Variants in STAC observed in about 807,000 individuals in gnomAD.
The protein encoded by STAC is SH3 and cysteine-rich domain-containing protein.
Under a neutral mutation model 48.8 loss-of-function variants are expected in STAC, and 43 were observed. That is an observed-to-expected ratio of 0.88 (90% CI 0.69 to 1.14). STAC has a LOEUF of 1.14. STAC is among the 50% of genes most tolerant of loss of function. The pLI, the probability that STAC is intolerant of heterozygous loss-of-function variation, is 0.00. For missense variants in STAC, 497 were observed against 504.0 expected (o/e 0.99, Z 0.13); for synonymous variants, 193 against 179.5 (o/e 1.07, Z -0.60).
At chr3:36,398,027 G>A (rs1699889196) in intron 1 of STAC, among the ~76,000 whole-genome samples, 1 of 152,060 alleles carries the variant, frequency 6.6e-6, no homozygotes, top group Non-Finnish European at 1.5e-5. Context: ...CTAGCTCCAT[G>A]GCAGGATCTT....
chr3:36,518,415 G>A (rs535566019), intron 8 of STAC, among the ~76,000 whole-genome samples: 1 of 151,804 alleles, frequency 6.6e-6, no homozygotes, highest in Non-Finnish European at 1.5e-5. Flanking sequence ...TTTCATAAGG[G>A]TAGAAAAAAG....
intron 1 of STAC, among the ~76,000 whole-genome samples, chr3:36,392,691 T>C (rs577217568): frequency 7.2e-5 from 11 of 152,192 alleles, no homozygotes; most frequent in Non-Finnish European, 7.4e-5. Flanking sequence ...AGGTGATGGT[T>C]GTTTTTTCCT....
chr3:36,472,041 G>A (rs921867100), intron 2 of STAC, among the ~76,000 whole-genome samples: 5 of 152,274 alleles, frequency 3.3e-5, no homozygotes, highest in East Asian at 1.9e-4. Context: ...TAAGGGCCCC[G>A]CCCCTGCAGC....
At chr3:36,543,840 C>T (rs1019336356) in intron 10 of STAC, among the ~76,000 whole-genome samples, 7 of 152,170 alleles carry the variant, frequency 4.6e-5, no homozygotes, top group Non-Finnish European at 1.0e-4. Context: ...AGTATTCTCA[C>T]TCTTCCACAT....
chr3:36,456,148 A>T (rs1696849887), intron 2 of STAC, among the ~76,000 whole-genome samples: 1 of 152,148 alleles, frequency 6.6e-6, no homozygotes, highest in Non-Finnish European at 1.5e-5. Context: ...TAAAGGGTTC[A>T]TATCCACTTC....
chr3:36,383,066 G>C (rs961000435), intron 1 of STAC, among the ~76,000 whole-genome samples: 2 of 152,174 alleles, frequency 1.3e-5, no homozygotes, highest in Admixed American at 6.5e-5. Context: ...TATTTGAACA[G>C]TCCAGACATA....
intron 2 of STAC, among the ~76,000 whole-genome samples, chr3:36,473,551 G>C (rs989854772): frequency 6.6e-6 from 1 of 152,150 alleles, no homozygotes; most frequent in Non-Finnish European, 1.5e-5. Flanking sequence ...CAGATGCACA[G>C]ACTGAGGCTC....
At chr3:36,422,959 G>A (rs1700481761) in intron 1 of STAC, among the ~76,000 whole-genome samples, 1 of 152,026 alleles carries the variant, frequency 6.6e-6, no homozygotes, top group African/African-American at 2.4e-5. Flanking sequence ...ATGTTCACTG[G>A]CTCAAAAAAT....
chr3:36,452,839 A>C (rs1696721877), intron 2 of STAC, among the ~76,000 whole-genome samples: 1 of 152,206 alleles, frequency 6.6e-6, no homozygotes, highest in South Asian at 2.1e-4. Flanking sequence ...AGAAAGGAGG[A>C]GCCCCTGCCA....
At chr3:36,396,864 A>T (rs551129416) in intron 1 of STAC, among the ~76,000 whole-genome samples, 59 of 152,230 alleles carry the variant, frequency 3.9e-4, no homozygotes, top group Non-Finnish European at 7.2e-4. Context: ...ATGACTCTAT[A>T]CTGCTGTTCT....
rs1559477289 is a variant in STAC, at chr3:36,398,539, GAGGT to G, written c.111+17787_111+17790del. 8.9e-4 allele frequency among the ~76,000 whole-genome samples: 40 copies of G among 45,172 alleles called. 3 individuals carry two copies. The highest frequency in any genetic ancestry group is 0.016 in the Middle Eastern group (1 of 62). 29.6% of individuals were successfully genotyped at this position (45,172 alleles called of 152,430 possible). A position where few individuals can be genotyped will look rare whatever the true frequency, so the allele number is the denominator to read the frequency against. ...AGAAAGAGAGAGAAAGAAAGAAAGAGAGGTAAAGAGAAAGAGAGAGGGAAGGAAG... is the reference window on the plus strand; with the variant it reads ...AGAAAGAGAGAGAAAGAAAGAAAGAGAAAGAGAAAGAGAGAGGGAAGGAAG... On this transcript the variant is annotated intron_variant, in intron 1 of 10. Transcript: ENST00000273183.
chr3:36,456,544 G>A (rs543260487), intron 2 of STAC, among the ~76,000 whole-genome samples: 11 of 152,044 alleles, frequency 7.2e-5, no homozygotes, highest in Non-Finnish European at 1.0e-4. Flanking sequence ...GGGACCATGC[G>A]AAGCTGCTGT....
intron 6 of STAC, among the ~76,000 whole-genome samples, chr3:36,496,577 T>C (rs554967531): frequency 6.6e-6 from 1 of 152,356 alleles, no homozygotes; most frequent in South Asian, 2.1e-4. Context: ...CTAATTTCTT[T>C]ACTGCTAAGA....
chr3:36,470,012 T>C lies in STAC; in HGVS notation c.389-12980T>C, dbSNP rs375261777. Among the ~76,000 whole-genome samples the C allele has an allele frequency of 1.8e-4, 27 of 152,358 alleles. 1 individual carries two copies. In the East Asian group the frequency reaches 4.6e-3, roughly 26 times the overall value. On this transcript the variant is annotated intron_variant, in intron 2 of 10. Coordinates refer to ENST00000273183, the MANE Select transcript of STAC (RefSeq NM_003149.3). Reference sequence around the variant, plus strand: ...TTATTTCTTTAAGTTGGAGTGAACCTTTCTCTGGTGCCTCCTTGATTAGCT... The same window carrying C: ...TTATTTCTTTAAGTTGGAGTGAACCCTTCTCTGGTGCCTCCTTGATTAGCT...
intron 4 of STAC, 25 bp downstream of exon 4, chr3:36,485,083 A>C (rs1041484001): frequency 6.3e-7 from 1 of 1,580,786 alleles, no homozygotes; most frequent in Non-Finnish European, 8.6e-7. Context: ...TGATGGGTTG[A>C]GTTGAGTTTG....
chr3:36,389,811 T>C (rs1423024147), intron 1 of STAC, among the ~76,000 whole-genome samples: 1 of 152,168 alleles, frequency 6.6e-6, no homozygotes, highest in Non-Finnish European at 1.5e-5. Flanking sequence ...GTGCTTTCCA[T>C]AAAGTGAGCA....
Position 36,455,643 on chromosome 3 carries a change from A to G in STAC, c.388+12003A>G, listed in dbSNP as rs200397291. ...GAATGCTCCACTGACCTACTTTAGA[A>G]TGGTCCTCTTTGTTGTGCAGCCACA... On this transcript the variant is annotated intron_variant, in intron 2 of 10. Transcript: ENST00000273183. Among the ~76,000 whole-genome samples, 11 of 152,308 alleles carry G rather than the reference A, an allele frequency of 7.2e-5. No individual in the cohort carries two copies. The East Asian group carries it at 1.7e-3, about 24-fold the overall frequency.
At chr3:36,533,050 G>C (rs556252335) in intron 10 of STAC, among the ~76,000 whole-genome samples, 1 of 152,146 alleles carries the variant, frequency 6.6e-6, no homozygotes, top group Non-Finnish European at 1.5e-5. Context: ...CATAAACACA[G>C]GTCTGCAAAC....
At chr3:36,457,256 G>C (rs886652816) in intron 2 of STAC, among the ~76,000 whole-genome samples, 4 of 152,186 alleles carry the variant, frequency 2.6e-5, no homozygotes, top group African/African-American at 4.8e-5. Context: ...TCATGCCAAG[G>C]AGTCAGAGGG....
Sources: gnomAD v4.1 joint callset for allele counts (sites outside exome capture counted in the v4.1 genomes callset) on GRCh38, gnomAD v4.1.1 for gene constraint, MANE v1.5 for transcripts, NCBI Gene and HGNC (gene_info 2026-07-23, HGNC 2026-07-21) for gene names.